PPP2R3B: variants seen among roughly 807,000 people sequenced by gnomAD.
The protein encoded by PPP2R3B is serine/threonine-protein phosphatase 2A regulatory subunit B'' subunit beta.
PPP2R3B carries 68 observed loss-of-function variants against 72.9 expected under a neutral mutation model. That is an observed-to-expected ratio of 0.93 (90% CI 0.77 to 1.14). The LOEUF (loss-of-function observed/expected upper bound fraction) is 1.14. Among genes scored for constraint, PPP2R3B ranks in the 50% most tolerant of loss-of-function variants. PPP2R3B has a pLI of 0.00. For missense variants in PPP2R3B, 1,018 were observed against 842.0 expected, an observed-to-expected ratio of 1.21 and a Z score of -2.59; for synonymous variants, 466 against 375.8, an observed-to-expected ratio of 1.24 and a Z score of -2.78.
chrX:382,186 CTTTT>C (rs1266116447), intron 1 of PPP2R3B, among the ~76,000 whole-genome samples: 100 of 138,036 alleles, frequency 7.2e-4, no homozygotes, highest in Admixed American at 2.1e-3. Flanking sequence ...AACATCTCAT[CTTTT>C]TTTTTCTTTT....
rs752130258 is a variant in PPP2R3B, at chrX:383,759, A to G, written c.324+2609T>C. Among the ~76,000 whole-genome samples the G allele has an allele frequency of 5.1e-3, 714 of 139,382 alleles. 10 individuals carry two copies. The highest frequency in any genetic ancestry group is 0.017 in the African/African-American group (666 of 38,144). 91.4% of individuals were successfully genotyped at this position (139,382 alleles called of 152,430 possible). A position where few individuals can be genotyped will look rare whatever the true frequency, so the allele number is the denominator to read the frequency against. On this transcript the variant is annotated intron_variant, in intron 1 of 12. Coordinates refer to ENST00000390665, the MANE Select transcript of PPP2R3B (RefSeq NM_013239.5). ...AGGCTGAGGCAGGAGAATGGCGTGA[A>G]CCCGGGAGGCGGAGCTTGCAGTGAG...
rs2070833454 is a variant in PPP2R3B, at chrX:334,461, A to G, written c.1634T>C (p.Leu545Pro). 8 of 1,595,166 alleles carry G rather than the reference A, an allele frequency of 5.0e-6. No individual in the cohort carries two copies. The highest frequency in any genetic ancestry group is 6.8e-6 in the Non-Finnish European group (8 of 1,176,200). Residue 545 changes from leucine to proline, a missense_variant, in exon 13 of 13, where the codon CTG becomes CCG. Coordinates refer to ENST00000390665, the MANE Select transcript of PPP2R3B (RefSeq NM_013239.5). ...EQKLSALRSPLAQRPFFEAPS... is the reference protein window; with the variant it reads ...EQKLSALRSPPAQRPFFEAPS... ...CGCCTCGAAGAAGGGCCTCTGGGCC[A>G]GCGGGGAGCGCAGCGCACTCAGCTT...
At chrX:386,277 G>A (rs1305529421) in intron 1 of PPP2R3B, 91 bp downstream of exon 1, 19 of 1,105,720 alleles carry the variant, frequency 1.7e-5, no homozygotes, top group Non-Finnish European at 1.8e-5. Context: ...GGGGTCTGAC[G>A]CTCGCCCACC....
In PPP2R3B at chrX:341,339, C is replaced by G; in HGVS notation, c.1143G>C (p.Leu381Phe). ...GTGTTTTTTTGTCTTCCTCAGAGAT[C>G]AAAAACCAGACAAAGTCGGCATAGC... ...KISYADFVWF[L>F]ISEEDKKTPT... Residue 381 changes from leucine (L) to phenylalanine (F), a missense_variant, in exon 9 of 13, where the codon TTG (leucine) becomes TTC (phenylalanine). By Grantham distance (22) the Leu-to-Phe change is conservative. Transcript: ENST00000390665. The G allele has an allele frequency of 6.2e-7, 1 of 1,612,582 alleles. No homozygotes were observed. Among genetic ancestry groups the G allele is most frequent in the Non-Finnish European group, 8.5e-7 (1 of 1,179,704 alleles).
intron 1 of PPP2R3B, among the ~76,000 whole-genome samples, chrX:363,985 C>A (rs2071624652): frequency 6.6e-6 from 1 of 152,222 alleles, no homozygotes; most frequent in Non-Finnish European, 1.5e-5. Context: ...AGACGGCGCC[C>A]ACAGGCTGGC....
chrX:343,776 AGGGGGG>A (rs67400514), intron 7 of PPP2R3B, among the ~76,000 whole-genome samples: 7,682 of 14,148 alleles, frequency 0.54, 2,949 homozygotes, highest in Middle Eastern at 0.79. Context: ...CAGCAACGGG[AGGGGGG>A]GAGGGAGACC....
chrX:363,643 GTCATCTCCCTGTGCCCACCATCCCACAA>G (rs2071608637), intron 1 of PPP2R3B, among the ~76,000 whole-genome samples: 32 of 4,898 alleles, frequency 6.5e-3, no homozygotes, highest in Middle Eastern at 0.25. Flanking sequence ...CCATCCCACA[GTCATCTCCCTGTGCCCACCATCCCACAA>G]TGCATCTCCC....
intron 1 of PPP2R3B, among the ~76,000 whole-genome samples, chrX:363,590 T>A: frequency 8.7e-6 from 1 of 115,266 alleles, no homozygotes; most frequent in East Asian, 2.6e-4. Flanking sequence ...CCACAATGCA[T>A]CTCCCCGTGC....
chrX:367,426 T>A (rs1445625753), intron 1 of PPP2R3B, among the ~76,000 whole-genome samples: 1 of 125,844 alleles, frequency 7.9e-6, no homozygotes, highest in African/African-American at 3.1e-5. Context: ...TTAGTCGACG[T>A]TCCTTTTTTT....
At chrX:352,314 C>T (rs2071347226) in intron 2 of PPP2R3B, among the ~76,000 whole-genome samples, 1 of 152,252 alleles carries the variant, frequency 6.6e-6, no homozygotes, top group Admixed American at 6.5e-5. Flanking sequence ...GCACGCCCAC[C>T]CGCACGGCCA....
chrX:344,668 G>A (rs2071158347), intron 7 of PPP2R3B, among the ~76,000 whole-genome samples: 1 of 152,236 alleles, frequency 6.6e-6, no homozygotes, highest in Non-Finnish European at 1.5e-5. Flanking sequence ...CTGTGGAGCT[G>A]TGCTCTCCTC....
chrX:356,051 G>A (rs1418003230), intron 2 of PPP2R3B, among the ~76,000 whole-genome samples: 6 of 152,184 alleles, frequency 3.9e-5, no homozygotes, highest in African/African-American at 9.7e-5. Flanking sequence ...AACACGTAAG[G>A]TGGTCAACAC....
chrX:364,040 C>T (rs969750701), intron 1 of PPP2R3B, among the ~76,000 whole-genome samples: 77 of 152,360 alleles, frequency 5.1e-4, no homozygotes, highest in Non-Finnish European at 9.0e-4. Flanking sequence ...GAAGGAAGAA[C>T]CCGGGGAAGC....
chrX:345,026 C>T (rs1486383296), intron 7 of PPP2R3B: 36 of 376,894 alleles, frequency 9.6e-5, no homozygotes, highest in South Asian at 1.2e-4. Flanking sequence ...TTAGAGGGGC[C>T]GGGAGGCAGT....
Position 346,227 on chromosome X carries a change from A to T in PPP2R3B, c.826T>A (p.Ser276Thr). ...GCGCAGGTGATCCTGCCGGACCAGGACCGGTTCACGGCGTAGAAGATCCGC... is the reference window on the plus strand; with the variant it reads ...GCGCAGGTGATCCTGCCGGACCAGGTCCGGTTCACGGCGTAGAAGATCCGC... ...IQRIFYAVNR[S>T]WSGRITCAEL... The change falls in exon 6 of 13, where the codon TCC becomes ACC. Residue 276 changes from serine to threonine, a missense_variant. Transcript: ENST00000390665. 2 of 1,572,746 alleles carry T rather than the reference A, an allele frequency of 1.3e-6. No homozygotes were observed. Among genetic ancestry groups the T allele is most frequent in the Non-Finnish European group, 1.7e-6 (2 of 1,160,924 alleles).
intron 2 of PPP2R3B, among the ~76,000 whole-genome samples, chrX:358,824 G>GC (rs1416505182): frequency 3.3e-5 from 5 of 151,966 alleles, no homozygotes; most frequent in South Asian, 4.2e-4. Context: ...CGGCACCACG[G>GC]TGGGGGGAGG....
intron 1 of PPP2R3B, among the ~76,000 whole-genome samples, chrX:385,320 CTTTTTTTTTT>C (rs1178231888): frequency 4.0e-5 from 3 of 75,604 alleles, no homozygotes; most frequent in African/African-American, 1.5e-4. Flanking sequence ...TTTTAGTTTT[CTTTTTTTTTT>C]TTTTTTTTTT....
chrX:347,541 G>A (rs2071247532), intron 3 of PPP2R3B, 49 bp downstream of exon 3: 1 of 1,530,744 alleles, frequency 6.5e-7, no homozygotes, highest in African/African-American at 1.4e-5. Context: ...GGGGACCCGG[G>A]GACGCCTCCG....
intron 1 of PPP2R3B, among the ~76,000 whole-genome samples, chrX:372,065 T>C (rs1220499493): frequency 6.6e-6 from 1 of 152,102 alleles, no homozygotes; most frequent in Non-Finnish European, 1.5e-5. Context: ...GCTGAAGGGC[T>C]TCCTCATCCA....
Sources: gnomAD v4.1 joint callset for allele counts (sites outside exome capture counted in the v4.1 genomes callset) on GRCh38, gnomAD v4.1.1 for gene constraint, MANE v1.5 for transcripts, NCBI Gene and HGNC (gene_info 2026-07-23, HGNC 2026-07-21) for gene names.